Variants in ESRRG observed in about 807,000 individuals in gnomAD.
ESRRG encodes estrogen related receptor gamma.
ESRRG carries 13 observed loss-of-function variants against 44.0 expected under a neutral mutation model. That is an observed-to-expected ratio of 0.30 (90% CI 0.19 to 0.47). The LOEUF is 0.47. Ranked by LOEUF, ESRRG falls within the 20% of genes least tolerant of loss-of-function variation. ESRRG has a pLI of 1.00. For synonymous variants in ESRRG, 215 were observed against 214.6 expected (o/e 1.00, Z -0.02); for missense variants, 395 against 580.6 (o/e 0.68, Z 3.29).
At chr1:216,597,035 C>G (rs551824850) in intron 3 of ESRRG, among the ~76,000 whole-genome samples, 82 of 152,170 alleles carry the variant, frequency 5.4e-4, no homozygotes, top group Non-Finnish European at 1.1e-3. Flanking sequence ...TAAAATTTCC[C>G]TATCCAATAA....
At chr1:216,531,288 T>C (rs543782259) in intron 5 of ESRRG, among the ~76,000 whole-genome samples, 2 of 152,230 alleles carry the variant, frequency 1.3e-5, no homozygotes, top group South Asian at 4.1e-4. Flanking sequence ...AAAAGCAGCT[T>C]CTCTGAATTT....
intron 1 of ESRRG, among the ~76,000 whole-genome samples, chr1:217,015,411 A>T (rs1579514226): frequency 6.6e-6 from 1 of 152,342 alleles, no homozygotes; most frequent in East Asian, 1.9e-4. Flanking sequence ...TAGTTTAGAC[A>T]AAGTAAAATA....
chr1:216,873,297 C>T (rs547215447), intron 2 of ESRRG, among the ~76,000 whole-genome samples: 25 of 148,514 alleles, frequency 1.7e-4, no homozygotes, highest in African/African-American at 2.8e-4. Context: ...CTGCAACCTC[C>T]GCCCCCCTGG....
chr1:216,943,351 C>A (rs145754103), intron 1 of ESRRG, among the ~76,000 whole-genome samples: 1 of 152,324 alleles, frequency 6.6e-6, no homozygotes, highest in African/African-American at 2.4e-5. Flanking sequence ...CCAGCAGCTG[C>A]CTCTGCATTG....
chr1:216,713,752 C>T (rs2084164511), intron 1 of ESRRG, among the ~76,000 whole-genome samples: 3 of 152,178 alleles, frequency 2.0e-5, no homozygotes, highest in Non-Finnish European at 4.4e-5. Flanking sequence ...AGCACCCCTC[C>T]TATTTAACTT....
chr1:216,722,902 G>GA (rs956886544), intron 1 of ESRRG, among the ~76,000 whole-genome samples: 16 of 152,110 alleles, frequency 1.1e-4, no homozygotes, highest in Non-Finnish European at 1.8e-4. Flanking sequence ...CTTTCCTTGG[G>GA]AAAATGGGTC....
chr1:216,631,280 G>T (rs114118412), intron 3 of ESRRG, among the ~76,000 whole-genome samples: 19 of 152,304 alleles, frequency 1.2e-4, no homozygotes, highest in African/African-American at 4.1e-4. Flanking sequence ...TATGTATACA[G>T]TCACTTTCTC....
At chr1:216,707,460 A>G (rs1392616582) in intron 1 of ESRRG, 2 of 1,535,306 alleles carry the variant, frequency 1.3e-6, no homozygotes, top group Admixed American at 2.0e-5. Flanking sequence ...TCCTAATTAC[A>G]TTCATGATGG....
intron 2 of ESRRG, among the ~76,000 whole-genome samples, chr1:216,843,240 T>C (rs1266423882): frequency 6.6e-6 from 1 of 152,042 alleles, no homozygotes; most frequent in South Asian, 2.1e-4. Context: ...TATATGAGAT[T>C]TGTGAGGCTA....
chr1:216,674,012 G>T (rs2075656994), intron 2 of ESRRG, among the ~76,000 whole-genome samples: 2 of 152,226 alleles, frequency 1.3e-5, no homozygotes, highest in Admixed American at 1.3e-4. Flanking sequence ...CGCACTCAGT[G>T]CTCATGAATT....
chr1:216,513,274 C>G (rs1175386398), intron 6 of ESRRG, among the ~76,000 whole-genome samples: 1 of 152,026 alleles, frequency 6.6e-6, no homozygotes, highest in African/African-American at 2.4e-5. Flanking sequence ...ATGAATCAAG[C>G]AGAATTCTTT....
chr1:217,042,473 A>AACACACACACACACACACACACACACAC (rs140559927), intron 1 of ESRRG, among the ~76,000 whole-genome samples: 3 of 139,062 alleles, frequency 2.2e-5, no homozygotes, highest in East Asian at 2.4e-4. Flanking sequence ...TACACACACA[A>AACACACACACACACACACACACACACAC]ACACACACAC....
intron 1 of ESRRG, among the ~76,000 whole-genome samples, chr1:216,967,902 T>C (rs1239376360): frequency 6.6e-6 from 1 of 152,146 alleles, no homozygotes. Context: ...CTCATCAGCA[T>C]TTGGTATTGT....
intron 1 of ESRRG, among the ~76,000 whole-genome samples, chr1:217,021,694 A>G (rs2080349640): frequency 6.6e-6 from 1 of 152,252 alleles, no homozygotes; most frequent in Non-Finnish European, 1.5e-5. Context: ...AAATCAGGCA[A>G]GCACTTAATA....
At chr1:216,862,525 T>A (rs1423443885) in intron 2 of ESRRG, 1 of 152,104 alleles carries the variant, frequency 6.6e-6, no homozygotes, top group Non-Finnish European at 1.5e-5. Flanking sequence ...AATAAACACA[T>A]CGTAGCTTAT....
chr1:216,924,802 A>C (rs111540767), intron 2 of ESRRG, among the ~76,000 whole-genome samples: 1,814 of 152,278 alleles, frequency 0.012, 18 homozygotes, highest in Non-Finnish European at 0.017. Flanking sequence ...AGGAAGCCGT[A>C]GCGGGTGAGG....
chr1:216,929,507 T>C (rs375106959), intron 2 of ESRRG, among the ~76,000 whole-genome samples: 35 of 152,204 alleles, frequency 2.3e-4, no homozygotes, highest in African/African-American at 8.4e-4. Flanking sequence ...GAGGGAGTGC[T>C]TGAAGAAATG....
chr1:216,573,467 T>C (rs1484623349), intron 3 of ESRRG, among the ~76,000 whole-genome samples: 1 of 152,002 alleles, frequency 6.6e-6, no homozygotes, highest in Non-Finnish European at 1.5e-5. Context: ...ATTATACGAA[T>C]GTACTTAAAA....
chr1:217,135,157 G>A (rs1316216939), intron 1 of ESRRG, among the ~76,000 whole-genome samples: 1 of 152,212 alleles, frequency 6.6e-6, no homozygotes, highest in Admixed American at 6.5e-5. Context: ...GAAAGGAAAG[G>A]TCTCCATCTG....
Sources: allele counts gnomAD v4.1 joint callset (sites outside exome capture counted in the v4.1 genomes callset), GRCh38; gene constraint gnomAD v4.1.1; transcripts MANE v1.5; gene names NCBI Gene and HGNC (gene_info 2026-07-23, HGNC 2026-07-21).